Variants in CCDC192 observed in about 807,000 individuals in gnomAD.
The protein encoded by CCDC192 is coiled-coil domain-containing protein 192.
At chr5:127,762,286 A>T (rs1182454863) in intron 3 of CCDC192, among the ~76,000 whole-genome samples, 2 of 152,228 alleles carry the variant, frequency 1.3e-5, no homozygotes, top group African/African-American at 4.8e-5. Context: ...ACCCAAAATG[A>T]GTTCCTTATC....
intron 5 of CCDC192, among the ~76,000 whole-genome samples, chr5:127,833,154 C>A (rs894052588): frequency 1.3e-5 from 2 of 152,168 alleles, no homozygotes; most frequent in African/African-American, 2.4e-5. Context: ...TTTCTCATTT[C>A]GCAGTCCTGC....
intron 5 of CCDC192, among the ~76,000 whole-genome samples, chr5:127,818,057 A>G (rs1440200758): frequency 6.6e-6 from 1 of 152,204 alleles, no homozygotes; most frequent in South Asian, 2.1e-4. Flanking sequence ...AATAAAGTAT[A>G]TGAAAAAACC....
intron 5 of CCDC192, among the ~76,000 whole-genome samples, chr5:127,807,277 G>C (rs1757842463): frequency 6.6e-6 from 1 of 152,132 alleles, no homozygotes; most frequent in South Asian, 2.1e-4. Flanking sequence ...CCTCATGTTA[G>C]CTGCCTATTT....
At chr5:127,901,343 G>A (rs1753033277) in intron 6 of CCDC192, among the ~76,000 whole-genome samples, 1 of 151,942 alleles carries the variant, frequency 6.6e-6, no homozygotes. Context: ...AACCTAGGGT[G>A]GAAAAAAAGT....
Position 127,767,471 on chromosome 5 carries a change from G to A in CCDC192, c.222+13096G>A, listed in dbSNP as rs540199791. 3.9e-4 allele frequency among the ~76,000 whole-genome samples: 60 copies of A among 152,270 alleles called. No individual in the cohort carries two copies. The South Asian group carries it at 0.012, about 31-fold the overall frequency. ...ATTGAGAGCTGTCTGCTTTGCAGTA[G>A]CTCTATTTCTGTGTAATTACTTTAT... On this transcript the variant is annotated intron_variant, in intron 3 of 6. Transcript: ENST00000514853.
At chr5:127,899,988 C>A (rs1405612084) in intron 6 of CCDC192, among the ~76,000 whole-genome samples, 2 of 152,180 alleles carry the variant, frequency 1.3e-5, no homozygotes, top group African/African-American at 4.8e-5. Flanking sequence ...AAAGTCCCTG[C>A]CTTCACCTGT....
intron 5 of CCDC192, among the ~76,000 whole-genome samples, chr5:127,823,443 C>T (rs1043403513): frequency 6.6e-6 from 1 of 152,194 alleles, no homozygotes; most frequent in Non-Finnish European, 1.5e-5. Context: ...TTAATAGATT[C>T]TTAACATATT....
At chr5:127,749,596 C>G (rs1015235002) in intron 2 of CCDC192, among the ~76,000 whole-genome samples, 1 of 150,820 alleles carries the variant, frequency 6.6e-6, no homozygotes, top group Admixed American at 6.6e-5. Context: ...TGTCTCTGCC[C>G]GGCTTTGGTA....
At chr5:127,916,944 C>T (rs368095056) in intron 6 of CCDC192, among the ~76,000 whole-genome samples, 1 of 152,210 alleles carries the variant, frequency 6.6e-6, no homozygotes, top group East Asian at 1.9e-4. Flanking sequence ...TCCTCTCTAG[C>T]TAGTCCTAGA....
At chr5:127,809,249 A>G (rs1321921764) in intron 5 of CCDC192, among the ~76,000 whole-genome samples, 1 of 152,178 alleles carries the variant, frequency 6.6e-6, no homozygotes, top group African/African-American at 2.4e-5. Context: ...TTGTATTTTT[A>G]AAAAGCACTT....
At chr5:127,776,917 T>TGGATGTCCAGG (rs1163229245) in intron 3 of CCDC192, among the ~76,000 whole-genome samples, 5 of 152,368 alleles carry the variant, frequency 3.3e-5, no homozygotes, top group Non-Finnish European at 7.3e-5. Context: ...TGGAAATGCC[T>TGGATGTCCAGG]GGATGTCCAG....
chr5:127,802,164 A>C (rs990199367), intron 5 of CCDC192, among the ~76,000 whole-genome samples: 3 of 152,154 alleles, frequency 2.0e-5, no homozygotes, highest in Non-Finnish European at 4.4e-5. Context: ...TATATCCGTT[A>C]CCCACTAGAC....
At chr5:127,915,175 A>G (rs1356912722) in intron 6 of CCDC192, among the ~76,000 whole-genome samples, 2 of 152,198 alleles carry the variant, frequency 1.3e-5, no homozygotes, top group Non-Finnish European at 2.9e-5. Context: ...TTATGTTCAC[A>G]CTATACTGTA....
intron 5 of CCDC192, among the ~76,000 whole-genome samples, chr5:127,866,885 T>C (rs1172934039): frequency 2.0e-5 from 3 of 152,202 alleles, no homozygotes; most frequent in East Asian, 1.9e-4. Context: ...CCCACTTGGC[T>C]GTTTTCTCTA....
At chr5:127,938,880 A>G (rs1404862759) in intron 6 of CCDC192, among the ~76,000 whole-genome samples, 4 of 152,018 alleles carry the variant, frequency 2.6e-5, no homozygotes, top group Non-Finnish European at 5.9e-5. Flanking sequence ...GGAGATGAGG[A>G]AGGCCTCCTG....
intron 5 of CCDC192, among the ~76,000 whole-genome samples, chr5:127,861,817 G>C (rs1359095828): frequency 6.6e-6 from 1 of 152,156 alleles, no homozygotes; most frequent in African/African-American, 2.4e-5. Context: ...GAACATCAAG[G>C]CACTTGCCTC....
intron 5 of CCDC192, among the ~76,000 whole-genome samples, chr5:127,832,034 C>A (rs534040004): frequency 6.6e-6 from 1 of 151,534 alleles, no homozygotes; most frequent in African/African-American, 2.4e-5. Flanking sequence ...TGAACCCTGG[C>A]AAATCAATTT....
chr5:127,845,782 A>T (rs1458932549), intron 5 of CCDC192, among the ~76,000 whole-genome samples: 1 of 152,242 alleles, frequency 6.6e-6, no homozygotes, highest in East Asian at 1.9e-4. Context: ...ATGCTGAGTC[A>T]AGAGGGACAT....
intron 5 of CCDC192, among the ~76,000 whole-genome samples, chr5:127,811,379 A>T (rs114228121): frequency 7.2e-5 from 11 of 152,198 alleles, no homozygotes; most frequent in African/African-American, 2.6e-4. Flanking sequence ...TAGTGTTGGT[A>T]ATGTAGTAGC....
Sources: allele counts gnomAD v4.1 joint callset (sites outside exome capture counted in the v4.1 genomes callset), GRCh38; gene constraint gnomAD v4.1.1; transcripts MANE v1.5; gene names NCBI Gene and HGNC (gene_info 2026-07-23, HGNC 2026-07-21).